The following TET1 variants were observed in gnomAD, a reference collection of about 807,000 sequenced individuals.
The protein encoded by TET1 is tet methylcytosine dioxygenase 1.
A neutral mutation model predicts 148.7 loss-of-function variants in TET1; 13 were observed. That is an observed-to-expected ratio of 0.09 (90% CI 0.06 to 0.14). The LOEUF is 0.14. TET1 is among the 10% of genes least tolerant of loss of function. The probability of loss-of-function intolerance (pLI) is 1.00; values close to 1 mark genes in which losing one functional copy is unlikely to be tolerated. For synonymous variants in TET1, 907 were observed against 937.2 expected, an observed-to-expected ratio of 0.97 and a Z score of 0.59; for missense variants, 2,182 against 2,553.8, an observed-to-expected ratio of 0.85 and a Z score of 3.14.
Position 68,645,668 on chromosome 10 carries a change from C to T in TET1, c.2939C>T (p.Ser980Leu). 6.2e-7 allele frequency: 1 copy of T among 1,614,180 alleles called. No homozygotes were observed. The highest frequency in any genetic ancestry group is 8.5e-7 in the Non-Finnish European group (1 of 1,180,026). The change falls in exon 4 of 12, where the codon TCA becomes TTA. Residue 980 changes from serine (S) to leucine (L), a missense_variant. Around this residue, in one of 11 missense-constraint regions of TET1, gnomAD observed 582 missense variants for 599.5 expected, o/e 0.97. Coordinates refer to ENST00000373644, the MANE Select transcript of TET1 (RefSeq NM_030625.3). ...FNGQTTTLSNSHINSATNQAS... is the reference protein window; with the variant it reads ...FNGQTTTLSNLHINSATNQAS... ...GGGCAAACTACTACCCTTTCCAACT[C>T]ACATATCAACTCAGCTACTAACCAA...
chr10:68,644,961 A>T lies in TET1; in HGVS notation c.2232A>T (p.Lys744Asn). 3 of 1,613,602 alleles carry T rather than the reference A, an allele frequency of 1.9e-6. No individual in the cohort carries two copies. The highest frequency in any genetic ancestry group is 2.5e-6 in the Non-Finnish European group (3 of 1,179,732). Reference sequence around the variant, plus strand: ...CGAAAAACTCTGAAGTTGACAAGAAACGAACCAAATCTCCAAAATTGTTTG... The same window carrying T: ...CGAAAAACTCTGAAGTTGACAAGAATCGAACCAAATCTCCAAAATTGTTTG... The part of the protein sequence containing the change: ...EKSKNSEVDK[K>N]RTKSPKLFVQ... The change falls in exon 4 of 12, where the codon AAA becomes AAT. Residue 744 changes from lysine to asparagine, a missense_variant. By Grantham distance (94) the Lys-to-Asn change is moderately conservative. Around this residue, in one of 11 missense-constraint regions of TET1, gnomAD observed 226 missense variants for 307.4 expected, o/e 0.74. Coordinates refer to ENST00000373644, the MANE Select transcript of TET1 (RefSeq NM_030625.3).
intron 2 of TET1, among the ~76,000 whole-genome samples, chr10:68,575,245 G>A (rs1242055281): frequency 3.3e-5 from 5 of 152,040 alleles, no homozygotes; most frequent in East Asian, 1.9e-4. Flanking sequence ...TTAGCTGGGC[G>A]TGGTGGCGGG....
At chr10:68,585,449 G>A (rs1237702195) in intron 2 of TET1, among the ~76,000 whole-genome samples, 7 of 151,984 alleles carry the variant, frequency 4.6e-5, no homozygotes, top group African/African-American at 1.2e-4. Flanking sequence ...TTTCTAGAAC[G>A]AATTTGATCC....
chr10:68,569,011 G>A (rs1458695034), intron 1 of TET1, among the ~76,000 whole-genome samples: 1 of 152,068 alleles, frequency 6.6e-6, no homozygotes, highest in Non-Finnish European at 1.5e-5. Flanking sequence ...CTCAACAGAT[G>A]TATTGGACCT....
intron 3 of TET1, among the ~76,000 whole-genome samples, chr10:68,643,154 G>A (rs116581438): frequency 0.017 from 2,520 of 151,048 alleles, 70 homozygotes; most frequent in African/African-American, 0.057. Context: ...CCAGCTACTC[G>A]GGAGGCTGAG....
At chr10:68,679,660 G>A (rs1186980399) in intron 8 of TET1, among the ~76,000 whole-genome samples, 1 of 152,012 alleles carries the variant, frequency 6.6e-6, no homozygotes, top group Non-Finnish European at 1.5e-5. Context: ...TTAAAGTAGG[G>A]TCATGACTTT....
At chr10:68,676,276 T>A (rs1193055373) in intron 8 of TET1, among the ~76,000 whole-genome samples, 4 of 105,882 alleles carry the variant, frequency 3.8e-5, no homozygotes, top group South Asian at 3.4e-4. Flanking sequence ...ATATTTTTTT[T>A]TTTTTTTTTT....
Position 68,691,222 on chromosome 10 carries a change from A to T in TET1, c.5819A>T (p.Asn1940Ile). 1 of 1,614,018 alleles carries T rather than the reference A, an allele frequency of 6.2e-7. No individual in the cohort carries two copies. Among genetic ancestry groups the T allele is most frequent in the East Asian group, 2.2e-5 (1 of 44,870 alleles). The stretch of plus-strand genomic sequence containing the variant: ...GAGCCGCTAACGCCTCATCAGCCAA[A>T]CCACCAGCCCTCCTTCCTCACCTCT... ...VTEPLTPHQP[N>I]HQPSFLTSPQ... Residue 1940 changes from asparagine to isoleucine, a missense_variant, in exon 12 of 12, where the codon AAC becomes ATC. Coordinates refer to ENST00000373644, the MANE Select transcript of TET1 (RefSeq NM_030625.3). The surrounding 1 kb of genome is among the most constrained non-coding windows in gnomAD (Gnocchi z 4.4).
chr10:68,661,454 T>C lies in TET1; in HGVS notation c.4462-5591T>C, dbSNP rs530332728. Among the ~76,000 whole-genome samples the C allele has an allele frequency of 2.0e-5, 3 of 151,930 alleles. No individual in the cohort carries two copies. In the South Asian group the frequency reaches 6.2e-4, roughly 32 times the overall value. ...TCCTGTGCTTAGAGATTATAATTTT[T>C]AGCAGTTTGGGTATACTCAAACTAA... On this transcript the variant is annotated intron_variant, in intron 6 of 11. Transcript: ENST00000373644.
intron 7 of TET1, among the ~76,000 whole-genome samples, 155 bp downstream of exon 7, chr10:68,667,411 C>T (rs1206909946): frequency 1.3e-5 from 2 of 152,068 alleles, no homozygotes; most frequent in Admixed American, 6.5e-5. Context: ...AAGAGAGAGT[C>T]TCTATTTTAT....
chr10:68,590,407 C>T (rs1331944202), intron 2 of TET1, among the ~76,000 whole-genome samples: 1 of 151,936 alleles, frequency 6.6e-6, no homozygotes, highest in Non-Finnish European at 1.5e-5. Flanking sequence ...GTTGGGATTA[C>T]AGGCATGAGC....
intron 8 of TET1, chr10:68,674,505 G>T: frequency 2.2e-6 from 1 of 465,092 alleles, no homozygotes; most frequent in South Asian, 2.1e-5. Context: ...TGGCCTCAAG[G>T]GTCGTGTATT....
intron 2 of TET1, among the ~76,000 whole-genome samples, chr10:68,584,538 G>C (rs149091468): frequency 6.6e-6 from 1 of 150,992 alleles, no homozygotes; most frequent in East Asian, 2.0e-4. Flanking sequence ...GTTAAACCCC[G>C]TCTCTACGAA....
Position 68,692,532 on chromosome 10 carries a change from C to T in TET1, c.*718C>T, listed in dbSNP as rs1020441626. ...TTGCATACAAGAGAAATCATTTATC[C>T]TTGCTGTGTAGAGTTCCATCTTGTT... On this transcript the variant is annotated 3_prime_UTR_variant, in exon 12 of 12. Coordinates refer to ENST00000373644, the MANE Select transcript of TET1 (RefSeq NM_030625.3). 6 of 232,152 alleles carry T rather than the reference C, an allele frequency of 2.6e-5. No homozygotes were observed. Among genetic ancestry groups the T allele is most frequent in the Non-Finnish European group, 5.1e-5 (6 of 117,286 alleles). 14.4% of individuals were successfully genotyped at this position (232,152 alleles called of 1,614,324 possible).
At chr10:68,586,430 G>A (rs1266497997) in intron 2 of TET1, among the ~76,000 whole-genome samples, 3 of 150,854 alleles carry the variant, frequency 2.0e-5, no homozygotes, top group Non-Finnish European at 2.9e-5. Context: ...TGCTTGCCTC[G>A]GCCTCCCAGC....
chr10:68,592,401 A>G, intron 2 of TET1, among the ~76,000 whole-genome samples: 1 of 152,218 alleles, frequency 6.6e-6, no homozygotes, highest in East Asian at 1.9e-4. Flanking sequence ...TCTCCCCTTG[A>G]AAAGGTAACT....
intron 1 of TET1, among the ~76,000 whole-genome samples, chr10:68,565,475 A>AAAAAATATATAT (rs1388182777): frequency 6.7e-4 from 86 of 129,222 alleles, no homozygotes; most frequent in African/African-American, 1.9e-3. Flanking sequence ...AAAAAAAAAA[A>AAAAAATATATAT]ATATATATAT....
rs1386143749 is a variant in TET1, at chr10:68,686,553, T to A, written c.5250T>A (p.Pro1750=). The A allele has an allele frequency of 6.2e-7, 1 of 1,614,176 alleles. No individual in the cohort carries two copies. Among genetic ancestry groups the A allele is most frequent in the South Asian group, 1.1e-5 (1 of 91,084 alleles). Residue 1750 remains proline (P), a synonymous_variant, in exon 11 of 12, where the codon CCT becomes CCA. Transcript: ENST00000373644. ...AAAAAAGAACGTGTTTCACTCAGCC[T>A]GTTCCCCGTTCTGGAAAGAAGAGGG... ...RRKKRTCFTQ[P]VPRSGKKRAA... is the part of the protein sequence containing the mutation.
intron 2 of TET1, among the ~76,000 whole-genome samples, chr10:68,593,244 A>AG (rs1384594135): frequency 6.6e-6 from 1 of 150,820 alleles, no homozygotes; most frequent in African/African-American, 2.4e-5. Context: ...AAAAAAAAAA[A>AG]AAAAAAAAAA....
Sources: gnomAD v4.1 joint callset for allele counts (sites outside exome capture counted in the v4.1 genomes callset) on GRCh38, gnomAD v4.1.1 for gene constraint, gnomAD v4.1.1 regional missense constraint, Gnocchi (gnomAD v3.1) non-coding constraint, MANE v1.5 for transcripts, NCBI Gene and HGNC (gene_info 2026-07-23, HGNC 2026-07-21) for gene names.